RBFOX1: variants seen among roughly 807,000 people sequenced by gnomAD.
RBFOX1 encodes the protein RNA binding protein fox-1 homolog 1.
In RBFOX1, 8 loss-of-function variants were observed where a neutral mutation model predicts 57.7. The ratio of observed to expected loss-of-function variants is 0.14; its 90% CI spans 0.08 to 0.25. The LOEUF (loss-of-function observed/expected upper bound fraction) is 0.25, where lower values mean the gene tolerates loss of function less well. Ranked by LOEUF, RBFOX1 falls within the 10% of genes least tolerant of loss-of-function variation. The pLI is 1.00. For synonymous variants in RBFOX1, 326 were observed against 222.4 expected (o/e 1.47, Z -4.15); for missense variants, 611 against 548.5 (o/e 1.11, Z -1.14).
intron 1 of RBFOX1, among the ~76,000 whole-genome samples, chr16:6,167,683 C>G (rs150663184): frequency 4.6e-4 from 70 of 152,232 alleles, no homozygotes; most frequent in African/African-American, 1.6e-3. Context: ...GTCCAACCAA[C>G]CTTTTAGTTC....
intron 2 of RBFOX1, among the ~76,000 whole-genome samples, chr16:6,322,703 A>T (rs1485266923): frequency 2.0e-5 from 3 of 152,314 alleles, no homozygotes; most frequent in East Asian, 1.9e-4. Flanking sequence ...AGGGAGACAC[A>T]GTTCTCTCAC....
At chr16:5,823,570 A>C (rs1182000538) in intron 3 of RBFOX1, among the ~76,000 whole-genome samples, 1 of 152,160 alleles carries the variant, frequency 6.6e-6, no homozygotes, top group East Asian at 1.9e-4. Flanking sequence ...GGTGAGTTGC[A>C]GGCAAGTAAG....
intron 3 of RBFOX1, among the ~76,000 whole-genome samples, chr16:5,720,234 GC>G (rs2051878733): frequency 1.3e-5 from 2 of 152,144 alleles, no homozygotes; most frequent in Admixed American, 6.5e-5. Flanking sequence ...TTGGAGACAT[GC>G]CTGTTCAGAT....
intron 4 of RBFOX1, among the ~76,000 whole-genome samples, chr16:7,247,312 C>T (rs2094341639): frequency 6.6e-6 from 1 of 152,216 alleles, no homozygotes; most frequent in South Asian, 2.1e-4. Context: ...CAAAGCAAGT[C>T]TCACAGACAC....
chr16:7,165,787 A>C (rs1015354532), intron 4 of RBFOX1, among the ~76,000 whole-genome samples: 3 of 152,030 alleles, frequency 2.0e-5, no homozygotes, highest in African/African-American at 7.3e-5. Context: ...TGTGACTCTG[A>C]ATAGGGTGGG....
chr16:6,547,932 A>C (rs990999316), intron 2 of RBFOX1, among the ~76,000 whole-genome samples: 4 of 152,220 alleles, frequency 2.6e-5, no homozygotes, highest in African/African-American at 9.6e-5. Flanking sequence ...CGAGGCTGTG[A>C]AAGACCCTTA....
intron 3 of RBFOX1, among the ~76,000 whole-genome samples, chr16:6,810,493 C>CT (rs906039812): frequency 3.3e-5 from 5 of 152,024 alleles, no homozygotes; most frequent in African/African-American, 7.2e-5. Flanking sequence ...GTTCATGAGT[C>CT]TTGATTCTGT....
intron 1 of RBFOX1, among the ~76,000 whole-genome samples, chr16:6,297,488 C>T (rs1455164925): frequency 6.6e-6 from 1 of 152,022 alleles, no homozygotes; most frequent in East Asian, 1.9e-4. Flanking sequence ...TTATAAAATG[C>T]CTGTGAATGC....
chr16:6,628,958 C>T (rs368849102), intron 2 of RBFOX1, among the ~76,000 whole-genome samples: 20 of 152,186 alleles, frequency 1.3e-4, no homozygotes, highest in African/African-American at 4.6e-4. Context: ...TGAACCCAGG[C>T]TGCGGAGGTT....
chr16:6,636,201 C>A (rs369589644), intron 2 of RBFOX1, among the ~76,000 whole-genome samples: 1 of 152,100 alleles, frequency 6.6e-6, no homozygotes, highest in South Asian at 2.1e-4. Flanking sequence ...GATGGAGTCT[C>A]GCTCTGTCGC....
chr16:5,774,665 C>T lies in RBFOX1; in HGVS notation c.319-92638C>T, dbSNP rs533255484. 2.6e-5 allele frequency among the ~76,000 whole-genome samples: 4 copies of T among 152,246 alleles called. No homozygotes were observed. The South Asian group carries it at 6.2e-4, about 24-fold the overall frequency. On this transcript the variant is annotated intron_variant, in intron 3 of 19. Transcript: ENST00000641259. ...TGGGATACCAGCAGCATTTCCTTTC[C>T]TGTACACCAGAGGATTTTTTATTGG...
intron 2 of RBFOX1, among the ~76,000 whole-genome samples, chr16:6,382,611 G>A (rs1001187684): frequency 2.6e-5 from 4 of 152,180 alleles, no homozygotes; most frequent in African/African-American, 9.7e-5. Context: ...TGTAATCCCA[G>A]AACTTTGGGA....
At chr16:6,590,787 G>C (rs188896194) in intron 2 of RBFOX1, among the ~76,000 whole-genome samples, 1 of 152,220 alleles carries the variant, frequency 6.6e-6, no homozygotes, top group Non-Finnish European at 1.5e-5. Context: ...TGATAATTAG[G>C]GAGAATATTT....
intron 4 of RBFOX1, among the ~76,000 whole-genome samples, chr16:7,215,036 C>G (rs974515078): frequency 1.3e-5 from 2 of 152,150 alleles, no homozygotes; most frequent in African/African-American, 4.8e-5. Flanking sequence ...AGCTATTTGT[C>G]CTAATGCTCT....
chr16:6,428,609 T>C (rs1265265419), intron 2 of RBFOX1, among the ~76,000 whole-genome samples: 1 of 152,190 alleles, frequency 6.6e-6, no homozygotes, highest in African/African-American at 2.4e-5. Context: ...TGTAAAGTAC[T>C]TAACACACAC....
chr16:7,030,838 C>G (rs941178658), intron 3 of RBFOX1, among the ~76,000 whole-genome samples: 1 of 152,176 alleles, frequency 6.6e-6, no homozygotes, highest in African/African-American at 2.4e-5. Flanking sequence ...GTGTCTGACT[C>G]TAAACCACAC....
At chr16:6,331,314 G>A (rs1302074759) in intron 2 of RBFOX1, among the ~76,000 whole-genome samples, 2 of 152,064 alleles carry the variant, frequency 1.3e-5, no homozygotes, top group Admixed American at 6.6e-5. Flanking sequence ...AGGCATGCTG[G>A]TGCATGCCTG....
At chr16:5,660,916 C>T (rs1327877702) in intron 3 of RBFOX1, among the ~76,000 whole-genome samples, 1 of 152,278 alleles carries the variant, frequency 6.6e-6, no homozygotes, top group South Asian at 2.1e-4. Context: ...GAATTGCCTC[C>T]AACCCAGGAG....
At chr16:6,386,130 T>G (rs2152924880) in intron 2 of RBFOX1, among the ~76,000 whole-genome samples, 1 of 152,052 alleles carries the variant, frequency 6.6e-6, no homozygotes, top group East Asian at 1.9e-4. Flanking sequence ...AGAGACGGGG[T>G]TTCACCGTGT....
Sources: gnomAD v4.1 joint callset for allele counts (sites outside exome capture counted in the v4.1 genomes callset) on GRCh38, gnomAD v4.1.1 for gene constraint, MANE v1.5 for transcripts, NCBI Gene and HGNC (gene_info 2026-07-23, HGNC 2026-07-21) for gene names.